The following ATP10B variants were observed in gnomAD, a reference collection of about 807,000 sequenced individuals.
ATP10B encodes phospholipid-transporting ATPase VB.
Under a neutral mutation model 141.2 loss-of-function variants are expected in ATP10B, and 122 were observed. The observed-to-expected ratio is 0.86, with a 90% CI of 0.75 to 1.00. The LOEUF is 1.00. Ranked by LOEUF, ATP10B falls within the 50% of genes least tolerant of loss-of-function variation. ATP10B has a pLI of 0.00. For missense variants in ATP10B, 1,876 were observed against 1,825.3 expected, an observed-to-expected ratio of 1.03 and a Z score of -0.51; for synonymous variants, 685 against 692.0, an observed-to-expected ratio of 0.99 and a Z score of 0.16.
At chr5:160,659,464 CAAATAA>C (rs1393072088) in intron 7 of ATP10B, among the ~76,000 whole-genome samples, 86 of 150,040 alleles carry the variant, frequency 5.7e-4, no homozygotes, top group African/African-American at 2.0e-3. Context: ...GGCTCCGTCT[CAAATAA>C]AAACAAAAAC....
intron 2 of ATP10B, among the ~76,000 whole-genome samples, chr5:160,775,149 G>T (rs1320598672): frequency 6.6e-6 from 1 of 152,242 alleles, no homozygotes; most frequent in East Asian, 1.9e-4. Context: ...TTATCAGTCA[G>T]ACCCCTGGGC....
chr5:160,850,360 G>A lies in ATP10B; in HGVS notation c.-576+1581C>T, dbSNP rs975466202. On this transcript the variant is annotated intron_variant, in intron 1 of 25. Coordinates refer to ENST00000327245, the MANE Select transcript of ATP10B (RefSeq NM_025153.3). ...AATTGCTTGAATCCAGGAGGCAGAGGTTGCATTGAGCTGAGATTGCGCCAC... is the reference window on the plus strand; with the variant it reads ...AATTGCTTGAATCCAGGAGGCAGAGATTGCATTGAGCTGAGATTGCGCCAC... Among the ~76,000 whole-genome samples the A allele has an allele frequency of 3.3e-4, 50 of 152,116 alleles. 1 individual carries two copies. The highest frequency in any genetic ancestry group is 3.2e-3 in the Admixed American group (49 of 15,230).
intron 1 of ATP10B, among the ~76,000 whole-genome samples, chr5:160,806,998 G>A (rs76778435): frequency 0.034 from 5,158 of 152,142 alleles, 107 homozygotes; most frequent in Non-Finnish European, 0.047. Flanking sequence ...AAAGACAAAC[G>A]GGGAAGAAAA....
At chr5:160,911,469 G>C in the ATP10B span, among the ~76,000 whole-genome samples, 2 of 152,308 alleles carry the variant, frequency 1.3e-5, no homozygotes, top group African/African-American at 4.8e-5. Flanking sequence ...TGTGGCCAGG[G>C]TGCTTGAGTA....
At chr5:160,838,154 A>G (rs1303405376) in intron 1 of ATP10B, among the ~76,000 whole-genome samples, 4 of 152,190 alleles carry the variant, frequency 2.6e-5, no homozygotes, top group African/African-American at 9.6e-5. Flanking sequence ...ATGTAGCATG[A>G]AGTTGGAAAA....
chr5:160,617,776 A>C, intron 16 of ATP10B, 88 bp downstream of exon 16: 1 of 1,147,020 alleles, frequency 8.7e-7, no homozygotes, highest in Non-Finnish European at 1.3e-6. Flanking sequence ...ACCACCTCTA[A>C]GGGTCTTTTA....
intron 1 of ATP10B, among the ~76,000 whole-genome samples, chr5:160,820,133 G>A (rs1473961735): frequency 6.5e-5 from 9 of 139,462 alleles, no homozygotes; most frequent in Non-Finnish European, 1.5e-4. Flanking sequence ...CCAATCTTTA[G>A]TGAGATTAAT....
intron 2 of ATP10B, among the ~76,000 whole-genome samples, chr5:160,753,036 G>A (rs1768267534): frequency 6.6e-6 from 1 of 152,146 alleles, no homozygotes; most frequent in Non-Finnish European, 1.5e-5. Flanking sequence ...TTAGAAAAAT[G>A]AAAATACTGA....
chr5:160,677,106 C>A lies in ATP10B; in HGVS notation c.471-6439G>T, dbSNP rs187386831. ...GATCTCCTTAATGGCAAAACAGAGGCCATAAATCCTTACCCGTGGACATAC... is the reference window on the plus strand; with the variant it reads ...GATCTCCTTAATGGCAAAACAGAGGACATAAATCCTTACCCGTGGACATAC... On this transcript the variant is annotated intron_variant, in intron 6 of 25. Coordinates refer to ENST00000327245, the MANE Select transcript of ATP10B (RefSeq NM_025153.3). Among the ~76,000 whole-genome samples the A allele has an allele frequency of 3.6e-3, 549 of 152,282 alleles. 2 individuals carry two copies. The highest frequency in any genetic ancestry group is 0.015 in the South Asian group (72 of 4,824).
rs1031635417 is a variant in ATP10B, at chr5:160,843,580, T to C, written c.-576+8361A>G. Reference sequence around the variant, plus strand: ...GCTTACCATGCAACTTAAAAGGAACTGAAAATCTGCAGTTCATTAAAAAAA... The same window carrying C: ...GCTTACCATGCAACTTAAAAGGAACCGAAAATCTGCAGTTCATTAAAAAAA... On this transcript the variant is annotated intron_variant, in intron 1 of 25. Coordinates refer to ENST00000327245, the MANE Select transcript of ATP10B (RefSeq NM_025153.3). Among the ~76,000 whole-genome samples, 6 of 151,920 alleles carry C rather than the reference T, an allele frequency of 3.9e-5. No individual in the cohort carries two copies. The East Asian group carries it at 9.7e-4, about 25-fold the overall frequency.
At chr5:160,705,170 G>A (rs538284572) in intron 3 of ATP10B, among the ~76,000 whole-genome samples, 66 of 151,896 alleles carry the variant, frequency 4.3e-4, no homozygotes, top group African/African-American at 1.4e-3. Flanking sequence ...TGCCAGCCTC[G>A]GACTCCCAAA....
chr5:160,759,481 C>T (rs749374281), intron 2 of ATP10B, among the ~76,000 whole-genome samples: 14 of 152,082 alleles, frequency 9.2e-5, no homozygotes, highest in East Asian at 1.9e-4. Flanking sequence ...ACTGAATGCA[C>T]AAAAAGAAAA....
At chr5:160,828,631 T>C (rs1012774794) in intron 1 of ATP10B, among the ~76,000 whole-genome samples, 1 of 151,622 alleles carries the variant, frequency 6.6e-6, no homozygotes, top group Admixed American at 6.5e-5. Flanking sequence ...AGTTCAACCA[T>C]TGTGGAAGTC....
chr5:160,683,172 C>T (rs1263344200), intron 6 of ATP10B, among the ~76,000 whole-genome samples: 1 of 151,872 alleles, frequency 6.6e-6, no homozygotes, highest in Non-Finnish European at 1.5e-5. Flanking sequence ...TTATAATTTT[C>T]ATATTCAAAG....
In ATP10B at chr5:160,636,311, T is replaced by C; in HGVS notation, c.1001-2A>G. ...AGGTCCCATTCCAGATGCTGTGACC[T>C]GAGAGGAGGCAAAACCAGGAATGAG... On this transcript the variant is annotated splice_acceptor_variant, in intron 10 of 25. Coordinates refer to ENST00000327245, the MANE Select transcript of ATP10B (RefSeq NM_025153.3). LOFTEE classifies it high-confidence loss of function. 6.2e-7 allele frequency: 1 copy of C among 1,611,742 alleles called. No individual in the cohort carries two copies. Among genetic ancestry groups the C allele is most frequent in the Non-Finnish European group, 8.5e-7 (1 of 1,179,102 alleles).
chr5:160,807,947 A>T (rs1451434377), intron 1 of ATP10B, among the ~76,000 whole-genome samples: 1 of 152,180 alleles, frequency 6.6e-6, no homozygotes, highest in Non-Finnish European at 1.5e-5. Flanking sequence ...TGCCTTTAAA[A>T]AGCCCCAAGT....
chr5:160,918,991 C>T, the ATP10B span, among the ~76,000 whole-genome samples: 3 of 150,880 alleles, frequency 2.0e-5, no homozygotes, highest in Non-Finnish European at 4.4e-5. Context: ...TTTGGGAGGC[C>T]GAGATGGGCG....
At chr5:160,837,449 A>C (rs148692541) in intron 1 of ATP10B, among the ~76,000 whole-genome samples, 16 of 152,212 alleles carry the variant, frequency 1.1e-4, no homozygotes, top group African/African-American at 2.9e-4. Flanking sequence ...TGAAAGGGAA[A>C]CCCATGTTAG....
At chr5:160,687,284 A>C (rs542864567) in intron 5 of ATP10B, among the ~76,000 whole-genome samples, 5 of 151,972 alleles carry the variant, frequency 3.3e-5, no homozygotes, top group African/African-American at 1.2e-4. Flanking sequence ...CTGCCTCTCC[A>C]TTTTTTTTAT....
Sources: allele counts gnomAD v4.1 joint callset (sites outside exome capture counted in the v4.1 genomes callset), GRCh38; gene constraint gnomAD v4.1.1; transcripts MANE v1.5; gene names NCBI Gene and HGNC (gene_info 2026-07-23, HGNC 2026-07-21).